FHL2: variants seen among roughly 807,000 people sequenced by gnomAD.
FHL2 encodes the protein four and a half LIM domains 2, also known as four and a half LIM domains protein 2.
In FHL2, 20 loss-of-function variants were observed where a neutral mutation model predicts 32.7. The observed-to-expected ratio is 0.61, with a 90% CI of 0.43 to 0.89. FHL2 has a LOEUF of 0.89. Among genes scored for constraint, FHL2 ranks in the 40% least tolerant of loss-of-function variants. The pLI, the probability that FHL2 is intolerant of heterozygous loss-of-function variation, is 0.00. For synonymous variants in FHL2, 123 were observed against 128.1 expected (o/e 0.96, Z 0.27); for missense variants, 311 against 358.6 (o/e 0.87, Z 1.07).
chr2:105,393,068 C>T (rs1682847327), intron 2 of FHL2, among the ~76,000 whole-genome samples: 1 of 151,872 alleles, frequency 6.6e-6, no homozygotes, highest in Non-Finnish European at 1.5e-5. Flanking sequence ...CTTGCTGGCT[C>T]AGGCCTTGGA....
chr2:105,437,871 C>T (rs763998323), intron 1 of FHL2, among the ~76,000 whole-genome samples: 1 of 152,162 alleles, frequency 6.6e-6, no homozygotes, highest in Non-Finnish European at 1.5e-5. Context: ...CCATCAGCTG[C>T]GAAGAGTCAT....
At chr2:105,380,414 G>A (rs1275159500) in intron 3 of FHL2, among the ~76,000 whole-genome samples, 1 of 152,104 alleles carries the variant, frequency 6.6e-6, no homozygotes. Context: ...TCTGTTTAGA[G>A]ACAGGGGTCT....
At chr2:105,402,045 G>A (rs954980650), upstream of FHL2, among the ~76,000 whole-genome samples, 7 of 146,308 alleles carry the variant, frequency 4.8e-5, no homozygotes, top group African/African-American at 1.3e-4. Flanking sequence ...ATATATATAC[G>A]TATATATACG....
chr2:105,421,390 A>G (rs186767307), intron 1 of FHL2, among the ~76,000 whole-genome samples: 109 of 152,268 alleles, frequency 7.2e-4, no homozygotes, highest in African/African-American at 2.5e-3. Context: ...GAGTATTCAC[A>G]AGCACGCTAC....
At chr2:105,413,641 T>A (rs1683857332) in intron 1 of FHL2, among the ~76,000 whole-genome samples, 1 of 152,166 alleles carries the variant, frequency 6.6e-6, no homozygotes, top group African/African-American at 2.4e-5. Context: ...CCAACTAATC[T>A]TTTTTTAATT....
At chr2:105,366,951 G>A (rs1001680256) in intron 5 of FHL2, among the ~76,000 whole-genome samples, 3 of 152,146 alleles carry the variant, frequency 2.0e-5, no homozygotes, top group Admixed American at 1.3e-4. Context: ...TCATCATGTT[G>A]CCCAGGCTGG....
At chr2:105,399,804 G>T, upstream of FHL2, 3 of 544,116 alleles carry the variant, frequency 5.5e-6, no homozygotes, top group South Asian at 2.4e-5. Flanking sequence ...AGGGTGCGTC[G>T]TGATGGAAAC....
chr2:105,417,143 G>A (rs1034828953), intron 1 of FHL2, among the ~76,000 whole-genome samples: 15 of 152,150 alleles, frequency 9.9e-5, no homozygotes, highest in Non-Finnish European at 2.1e-4. Flanking sequence ...CAGCACTTTG[G>A]GAGGCCAAGG....
chr2:105,367,767 CAG>C (rs1680741145), intron 4 of FHL2, 28 bp from the exon 5 acceptor site: 2 of 1,605,998 alleles, frequency 1.2e-6, no homozygotes, highest in African/African-American at 1.3e-5. Context: ...AGGAACACAG[CAG>C]AGTTATGGTT....
At chr2:105,399,249 G>C, upstream of FHL2, 1 of 1,535,160 alleles carries the variant, frequency 6.5e-7, no homozygotes, top group Non-Finnish European at 8.7e-7. Flanking sequence ...TCCTTTCTTC[G>C]TGCCCTCCGG....
At chr2:105,416,052 C>T (rs1384751356) in intron 1 of FHL2, among the ~76,000 whole-genome samples, 3 of 152,224 alleles carry the variant, frequency 2.0e-5, no homozygotes, top group Admixed American at 1.3e-4. Flanking sequence ...TCAAAGAGTA[C>T]AGCCCTATCT....
chr2:105,399,064 A>ACG, upstream of FHL2: 1 of 1,493,434 alleles, frequency 6.7e-7, no homozygotes, highest in South Asian at 1.3e-5. Context: ...AGCGCTGCGC[A>ACG]GCTCCCGCCC....
chr2:105,399,297 C>A (rs1230779528), upstream of FHL2: 7 of 1,535,832 alleles, frequency 4.6e-6, no homozygotes, highest in Non-Finnish European at 6.1e-6. Context: ...GCGTCGCCTC[C>A]GGCGTGGGCT....
chr2:105,363,751 A>G (rs1328571163), intron 5 of FHL2, among the ~76,000 whole-genome samples: 1 of 152,192 alleles, frequency 6.6e-6, no homozygotes, highest in African/African-American at 2.4e-5. Context: ...AGGGTGCCTC[A>G]GTGGTGTTGC....
intron 1 of FHL2, among the ~76,000 whole-genome samples, chr2:105,408,048 TA>T (rs755597921): frequency 6.6e-6 from 1 of 152,212 alleles, no homozygotes; most frequent in Admixed American, 6.5e-5. Flanking sequence ...AGAAATTCCA[TA>T]AAGGTTCTTT....
chr2:105,358,727 C>A (rs555201511), downstream of FHL2: 1 of 152,214 alleles, frequency 6.6e-6, no homozygotes, highest in Non-Finnish European at 1.5e-5. Context: ...GGAAGAGGGT[C>A]GGTCAGCTAA....
chr2:105,357,868 T>C (rs1454308052), downstream of FHL2: 1 of 152,198 alleles, frequency 6.6e-6, no homozygotes, highest in Non-Finnish European at 1.5e-5. Flanking sequence ...GTTCAGCCAG[T>C]GTTTGGTCAG....
chr2:105,403,264 A>G (rs1166302679), upstream of FHL2, among the ~76,000 whole-genome samples: 1 of 152,268 alleles, frequency 6.6e-6, no homozygotes, highest in Non-Finnish European at 1.5e-5. Flanking sequence ...GATCCTGTTC[A>G]GATCCTGTTT....
intron 4 of FHL2, among the ~76,000 whole-genome samples, chr2:105,368,665 T>C (rs1292683809): frequency 6.6e-6 from 1 of 152,220 alleles, no homozygotes; most frequent in Non-Finnish European, 1.5e-5. Context: ...ACCACCAAGC[T>C]GGACTCACTG....
Sources: allele counts gnomAD v4.1 joint callset (sites outside exome capture counted in the v4.1 genomes callset), GRCh38; gene constraint gnomAD v4.1.1; transcripts MANE v1.5; gene names NCBI Gene and HGNC (gene_info 2026-07-23, HGNC 2026-07-21).